The following MLYCD variants were observed in gnomAD, a reference collection of about 807,000 sequenced individuals.
MLYCD encodes malonyl-CoA decarboxylase, also known as malonyl-CoA decarboxylase, mitochondrial.
A neutral mutation model predicts 35.8 loss-of-function variants in MLYCD; 27 were observed. The ratio of observed to expected loss-of-function variants is 0.75; its 90% CI spans 0.56 to 1.04. MLYCD has a LOEUF of 1.04. Among genes scored for constraint, MLYCD ranks in the 50% least tolerant of loss-of-function variants. The pLI, the probability that MLYCD is intolerant of heterozygous loss-of-function variation, is 0.00. For synonymous variants in MLYCD, 403 were observed against 302.4 expected (o/e 1.33, Z -3.45); for missense variants, 917 against 665.1 (o/e 1.38, Z -4.17).
chr16:83,906,920 C>G (rs1474307608), intron 1 of MLYCD, 67 bp from the exon 2 acceptor site: 5 of 1,334,632 alleles, frequency 3.7e-6, no homozygotes, highest in Non-Finnish European at 5.4e-6. Context: ...CTTGTGCTGA[C>G]CACAACACAG....
At chr16:83,904,044 C>T (rs186671010) in intron 1 of MLYCD, among the ~76,000 whole-genome samples, 110 of 152,258 alleles carry the variant, frequency 7.2e-4, no homozygotes, top group Non-Finnish European at 7.3e-5. Context: ...ATTCCCAGTT[C>T]TCGTGTACCA....
chr16:83,906,171 G>C (rs1597289922), intron 1 of MLYCD, among the ~76,000 whole-genome samples: 1 of 152,144 alleles, frequency 6.6e-6, no homozygotes, highest in African/African-American at 2.4e-5. Flanking sequence ...CAGATTGCCT[G>C]TGCTCAGGAG....
In MLYCD at chr16:83,917,515, G is replaced by A. The variant is rs1004091502; in HGVS notation, c.*2026G>A. ...TTTCATCTCCTGTGACCCTCGCCAG[G>A]CCCCTTCTCTGTCTTCTGCGTACGG... On this transcript the variant is annotated 3_prime_UTR_variant, in exon 5 of 5. Transcript: ENST00000262430. 2 of 154,252 alleles carry A rather than the reference G, an allele frequency of 1.3e-5. No homozygotes were observed. The highest frequency in any genetic ancestry group is 4.8e-5 in the African/African-American group (2 of 41,518). The allele number at this position is 154,252 out of a possible 1,614,324, so 9.6% of individuals were successfully genotyped here.
rs1260696724 is a variant in MLYCD, at chr16:83,925,618, C to T, written c.*10129C>T. On this transcript the variant is annotated 3_prime_UTR_variant, in exon 5 of 5. Coordinates refer to ENST00000262430, the MANE Select transcript of MLYCD (RefSeq NM_012213.3). ...TCACCCTCCCTGTCACACACAGCCC[C>T]CTCCGTGGCCTCTCAAGCCTGCTGT... is the stretch of plus-strand genomic sequence containing the variant. 1.3e-5 allele frequency: 2 copies of T among 152,378 alleles called. No individual in the cohort carries two copies. The highest frequency in any genetic ancestry group is 4.8e-5 in the African/African-American group (2 of 41,350). The allele number at this position is 152,378 out of a possible 1,614,324, so 9.4% of individuals were successfully genotyped here. A position where few individuals can be genotyped will look rare whatever the true frequency, so the allele number is the denominator to read the frequency against.
At position 83,915,188 on chromosome 16, in the gene MLYCD, T is replaced by C; in HGVS notation, c.1181T>C (p.Leu394Pro). The change falls in exon 5 of 5, where the codon CTG (leucine) becomes CCG (proline). Residue 394 changes from leucine to proline, a missense_variant. Transcript: ENST00000262430. Reference sequence around the variant, plus strand: ...CAGTCGGAGAAGCTGGTGCGGGCGCTGCAGACTCCGCTGATGAGGCTGTGC... The same window carrying C: ...CAGTCGGAGAAGCTGGTGCGGGCGCCGCAGACTCCGCTGATGAGGCTGTGC... ...WVQSEKLVRA[L>P]QTPLMRLCAW... is the part of the protein sequence containing the mutation. The C allele has an allele frequency of 6.2e-7, 1 of 1,614,110 alleles. No individual in the cohort carries two copies. Among genetic ancestry groups the C allele is most frequent in the Non-Finnish European group, 8.5e-7 (1 of 1,179,928 alleles).
chr16:83,921,676 TATC>T lies in MLYCD; in HGVS notation c.*6191_*6193del, dbSNP rs1414568384. On this transcript the variant is annotated 3_prime_UTR_variant, in exon 5 of 5. Coordinates refer to ENST00000262430, the MANE Select transcript of MLYCD (RefSeq NM_012213.3). ...CACTTCATGGGTGTTACAAACCTCT[TATC>T]ATCTGTTTACGTCTCACTCTTACTG... is the stretch of plus-strand genomic sequence containing the variant. 1.3e-5 allele frequency: 2 copies of T among 152,178 alleles called. No individual in the cohort carries two copies. Among genetic ancestry groups the T allele is most frequent in the African/African-American group, 4.8e-5 (2 of 41,448 alleles). 9.4% of individuals were successfully genotyped at this position (152,178 alleles called of 1,614,324 possible).
chr16:83,916,246 G>A lies in MLYCD; in HGVS notation c.*757G>A. 1 of 981,288 alleles carries A rather than the reference G, an allele frequency of 1.0e-6. No individual in the cohort carries two copies. The highest frequency in any genetic ancestry group is 1.2e-6 in the Non-Finnish European group (1 of 824,332). 60.8% of individuals were successfully genotyped at this position (981,288 alleles called of 1,614,324 possible). ...GACCTGGGAAGGCTGGAATCAGCCA[G>A]CCAGCCTACGGGGAGTTTGGGATGA... On this transcript the variant is annotated 3_prime_UTR_variant, in exon 5 of 5. Transcript: ENST00000262430.
At chr16:83,900,777 C>G (rs1258026407) in intron 1 of MLYCD, among the ~76,000 whole-genome samples, 2 of 152,042 alleles carry the variant, frequency 1.3e-5, no homozygotes, top group African/African-American at 2.4e-5. Flanking sequence ...TTTAAGAACT[C>G]TAATACTGGT....
chr16:83,901,585 C>T (rs1237913691), intron 1 of MLYCD, among the ~76,000 whole-genome samples: 1 of 152,216 alleles, frequency 6.6e-6, no homozygotes, highest in African/African-American at 2.4e-5. Flanking sequence ...TGATTTCTCA[C>T]ATCCGGTCCA....
In MLYCD at chr16:83,917,457, G is replaced by A. The variant is rs1047909986; in HGVS notation, c.*1968G>A. 2 of 154,634 alleles carry A rather than the reference G, an allele frequency of 1.3e-5. No individual in the cohort carries two copies. The highest frequency in any genetic ancestry group is 3.8e-4 in the East Asian group (2 of 5,198). The allele number at this position is 154,634 out of a possible 1,614,324, so 9.6% of individuals were successfully genotyped here. A position where few individuals can be genotyped will look rare whatever the true frequency, so the allele number is the denominator to read the frequency against. On this transcript the variant is annotated 3_prime_UTR_variant, in exon 5 of 5. Transcript: ENST00000262430. ...CAGTTGCCCTGTCCTCGCTGTCCTCGGTTTGGCAGACAGGTCCCTCACCTT... is the reference window on the plus strand; with the variant it reads ...CAGTTGCCCTGTCCTCGCTGTCCTCAGTTTGGCAGACAGGTCCCTCACCTT...
chr16:83,902,325 C>A (rs1303731745), intron 1 of MLYCD, among the ~76,000 whole-genome samples: 2 of 150,320 alleles, frequency 1.3e-5, no homozygotes, highest in Non-Finnish European at 3.0e-5. Context: ...ATCCCAAGTG[C>A]TGGGATTATA....
chr16:83,916,133 T>A lies in MLYCD; in HGVS notation c.*644T>A. 2.0e-6 allele frequency: 2 copies of A among 993,370 alleles called. No homozygotes were observed. Among genetic ancestry groups the A allele is most frequent in the Non-Finnish European group, 2.4e-6 (2 of 833,458 alleles). The allele number at this position is 993,370 out of a possible 1,614,324, so 61.5% of individuals were successfully genotyped here. On this transcript the variant is annotated 3_prime_UTR_variant, in exon 5 of 5. Coordinates refer to ENST00000262430, the MANE Select transcript of MLYCD (RefSeq NM_012213.3). ...GCTTTAAATGATCAGGGATTCAGGT[T>A]CATAATGAACTTCACAGTAAAGAAC...
chr16:83,907,093 T>G lies in MLYCD; in HGVS notation c.635T>G (p.Ile212Ser). 6.2e-7 allele frequency: 1 copy of G among 1,611,200 alleles called. No individual in the cohort carries two copies. The highest frequency in any genetic ancestry group is 8.5e-7 in the Non-Finnish European group (1 of 1,177,288). ...WHSPCEVLQK[I>S]SEAEAVHPVK... Reference sequence around the variant, plus strand: ...TCACCGTGTGAAGTGCTTCAGAAAATCAGTGAGTAAGTATTACGGTTTTCA... The same window carrying G: ...TCACCGTGTGAAGTGCTTCAGAAAAGCAGTGAGTAAGTATTACGGTTTTCA... The change falls in exon 2 of 5, where the codon ATC becomes AGC. Residue 212 changes from isoleucine to serine, a missense_variant. Ile to Ser is a moderately radical substitution (Grantham distance 142). Coordinates refer to ENST00000262430, the MANE Select transcript of MLYCD (RefSeq NM_012213.3).
chr16:83,903,719 C>T (rs1352403688), intron 1 of MLYCD, among the ~76,000 whole-genome samples: 4 of 152,064 alleles, frequency 2.6e-5, no homozygotes, highest in Admixed American at 6.6e-5. Flanking sequence ...TTCAGCTGAG[C>T]CCGGAAGTTC....
chr16:83,909,693 C>T (rs116815998), intron 3 of MLYCD, among the ~76,000 whole-genome samples: 10,909 of 149,488 alleles, frequency 0.073, 474 homozygotes, highest in East Asian at 0.11. Flanking sequence ...GCTGTCTCGG[C>T]TCACTGCAAC....
chr16:83,909,494 G>T (rs957426901), intron 3 of MLYCD, among the ~76,000 whole-genome samples: 12 of 152,144 alleles, frequency 7.9e-5, no homozygotes, highest in African/African-American at 2.4e-4. Flanking sequence ...AGTAGCATGG[G>T]TATGGTGTGG....
rs1272168205 is a variant in MLYCD at position 83,925,430 on chromosome 16, C to G, written c.*9941C>G. 3.3e-5 allele frequency: 5 copies of G among 152,464 alleles called. No homozygotes were observed. The highest frequency in any genetic ancestry group is 7.3e-5 in the Non-Finnish European group (5 of 68,206). 9.4% of individuals were successfully genotyped at this position (152,464 alleles called of 1,614,324 possible). On this transcript the variant is annotated 3_prime_UTR_variant, in exon 5 of 5. Coordinates refer to ENST00000262430, the MANE Select transcript of MLYCD (RefSeq NM_012213.3). ...ATTTCCCTGGCCCAGGTTACAAAGT[C>G]TCCTTCCTGATTATGTGCATTAACT...
rs1361336323 is a variant in MLYCD at position 83,921,012 on chromosome 16, G to C, written c.*5523G>C. ...TGGGTGGAAGGAAGATGGGTGGATG[G>C]ATGGTGGAGGGTGGATAGAAGGAAG... On this transcript the variant is annotated 3_prime_UTR_variant, in exon 5 of 5. Coordinates refer to ENST00000262430, the MANE Select transcript of MLYCD (RefSeq NM_012213.3). The C allele has an allele frequency of 6.6e-6, 1 of 151,562 alleles. No individual in the cohort carries two copies. The highest frequency in any genetic ancestry group is 1.5e-5 in the Non-Finnish European group (1 of 67,962). 9.4% of individuals were successfully genotyped at this position (151,562 alleles called of 1,614,324 possible).
rs1382420862 is a variant in MLYCD, at chr16:83,899,313, C to A, written c.169C>A (p.Arg57Ser). Residue 57 changes from arginine to serine, a missense_variant, in exon 1 of 5, where the codon CGC becomes AGC. By Grantham distance (110) the Arg-to-Ser change is moderately radical (BLOSUM62 -1). Transcript: ENST00000262430. ...GCCGCCGACGCCGGCCTACGAGCTG[C>A]GCGAGAAGACACCGGCGCCCGCCGA... Reference protein sequence around the residue: ...AVPPTPAYELREKTPAPAEGQ... With the variant: ...AVPPTPAYELSEKTPAPAEGQ... 1 of 1,496,226 alleles carries A rather than the reference C, an allele frequency of 6.7e-7. No homozygotes were observed. The highest frequency in any genetic ancestry group is 1.5e-5 in the African/African-American group (1 of 68,630). 92.7% of individuals were successfully genotyped at this position (1,496,226 alleles called of 1,614,324 possible). A position where few individuals can be genotyped will look rare whatever the true frequency, so the allele number is the denominator to read the frequency against.
Sources: allele counts gnomAD v4.1 joint callset (sites outside exome capture counted in the v4.1 genomes callset), GRCh38; gene constraint gnomAD v4.1.1; transcripts MANE v1.5; gene names NCBI Gene and HGNC (gene_info 2026-07-23, HGNC 2026-07-21).